Variants in PCDHGA3 observed in about 807,000 individuals in gnomAD.
PCDHGA3 encodes protocadherin gamma-A3.
PCDHGA3 carries 40 observed loss-of-function variants against 58.5 expected under a neutral mutation model. The ratio of observed to expected loss-of-function variants is 0.68; its 90% CI spans 0.53 to 0.89. The LOEUF (loss-of-function observed/expected upper bound fraction) is 0.89, where lower values mean the gene tolerates loss of function less well. PCDHGA3 is among the 40% of genes least tolerant of loss of function. PCDHGA3 has a pLI of 0.00. For missense variants in PCDHGA3, 1,223 were observed against 1,195.9 expected, an observed-to-expected ratio of 1.02 and a Z score of -0.33; for synonymous variants, 530 against 525.7, an observed-to-expected ratio of 1.01 and a Z score of -0.11.
chr5:141,501,331 A>T (rs1024837974), intron 2 of PCDHGA3, among the ~76,000 whole-genome samples: 2 of 138,846 alleles, frequency 1.4e-5, no homozygotes, highest in Non-Finnish European at 1.6e-5. Flanking sequence ...ACACACACAC[A>T]CACCCCAAAC....
chr5:141,485,745 T>C lies in PCDHGA3; in HGVS notation c.2425-9062T>C. 3 of 1,614,146 alleles carry C rather than the reference T, an allele frequency of 1.9e-6. No individual in the cohort carries two copies. Among genetic ancestry groups the C allele is most frequent in the Non-Finnish European group, 2.5e-6 (3 of 1,179,986 alleles). ...AAGAAGCGCAGCGACGGCAGCCTGGTCCCAGAGCTGCTCCTGGAGAAGCCT... is the reference window on the plus strand; with the variant it reads ...AAGAAGCGCAGCGACGGCAGCCTGGCCCCAGAGCTGCTCCTGGAGAAGCCT... On this transcript the variant is annotated intron_variant, in intron 1 of 3. Transcript: ENST00000253812. This position sits in a 1 kb window ranked among gnomAD's most constrained non-coding sequence, Gnocchi z 5.7.
chr5:141,384,493 G>A lies in PCDHGA3; in HGVS notation c.2424+38036G>A, dbSNP rs370485526. The A allele has an allele frequency of 6.2e-7, 1 of 1,614,056 alleles. No individual in the cohort carries two copies. The highest frequency in any genetic ancestry group is 1.3e-5 in the African/African-American group (1 of 74,948). ...GCAGTTGAGAGAACTACAACTAAGA[G>A]TGACTGCACATGACAGCGGGGACCC... On this transcript the variant is annotated intron_variant, in intron 1 of 3. Coordinates refer to ENST00000253812, the MANE Select transcript of PCDHGA3 (RefSeq NM_018916.4).
At chr5:141,376,223 C>T (rs1772425823) in intron 1 of PCDHGA3, 1 of 1,614,084 alleles carries the variant, frequency 6.2e-7, no homozygotes, top group Non-Finnish European at 8.5e-7. Context: ...GCTGCTGGCG[C>T]TCAGACTGCA....
chr5:141,485,172 C>T lies in PCDHGA3; in HGVS notation c.2425-9635C>T, dbSNP rs377648315. 3.9e-5 allele frequency: 62 copies of T among 1,610,044 alleles called. No individual in the cohort carries two copies. The highest frequency in any genetic ancestry group is 5.1e-5 in the Non-Finnish European group (60 of 1,176,944). On this transcript the variant is annotated intron_variant, in intron 1 of 3. Coordinates refer to ENST00000253812, the MANE Select transcript of PCDHGA3 (RefSeq NM_018916.4). The surrounding 1 kb of genome is among the most constrained non-coding windows in gnomAD (Gnocchi z 5.7). ...CAAGTAGAGAATTAGCGGGCGGCAGCAATGCTCCGCAAGGTGAGAAGCTGG... is the reference window on the plus strand; with the variant it reads ...CAAGTAGAGAATTAGCGGGCGGCAGTAATGCTCCGCAAGGTGAGAAGCTGG...
At chr5:141,384,798 G>A in intron 1 of PCDHGA3, 3 of 1,613,448 alleles carry the variant, frequency 1.9e-6, no homozygotes, top group Non-Finnish European at 2.5e-6. Flanking sequence ...GGGCCCTGCT[G>A]GACAGAGATG....
chr5:141,413,283 C>A lies in PCDHGA3; in HGVS notation c.2424+66826C>A, dbSNP rs377443382. On this transcript the variant is annotated intron_variant, in intron 1 of 3. Coordinates refer to ENST00000253812, the MANE Select transcript of PCDHGA3 (RefSeq NM_018916.4). ...GGGAGGCTGGAGCCCGGCAGATCTC[C>A]TACTCAATTCCTGAGGAATTAGAGA... The A allele has an allele frequency of 3.6e-5, 58 of 1,613,848 alleles. No individual in the cohort carries two copies. The African/African-American group carries it at 7.6e-4, about 21-fold the overall frequency.
rs1431906047 is a variant in PCDHGA3, at chr5:141,485,858, C to T, written c.2425-8949C>T. On this transcript the variant is annotated intron_variant, in intron 1 of 3. Transcript: ENST00000253812. This position sits in a 1 kb window ranked among gnomAD's most constrained non-coding sequence, Gnocchi z 5.7. ...GCCGAGATCTGGCACCGCAGAGCTC[C>T]GGGTATCCGTGCTGGACGTAAACGA... The T allele has an allele frequency of 1.9e-6, 3 of 1,614,162 alleles. No individual in the cohort carries two copies. The highest frequency in any genetic ancestry group is 2.5e-6 in the Non-Finnish European group (3 of 1,180,028).
At chr5:141,495,446 C>A (rs1165861519) in intron 2 of PCDHGA3, among the ~76,000 whole-genome samples, 1 of 152,220 alleles carries the variant, frequency 6.6e-6, no homozygotes, top group African/African-American at 2.4e-5. Flanking sequence ...CCCTACTTGT[C>A]CTGCTCTCTG....
intron 3 of PCDHGA3, among the ~76,000 whole-genome samples, chr5:141,506,925 A>G (rs1287267937): frequency 1.3e-5 from 2 of 152,152 alleles, no homozygotes; most frequent in African/African-American, 4.8e-5. Context: ...ATACTAAACA[A>G]ACTTTAGGGG....
intron 1 of PCDHGA3, among the ~76,000 whole-genome samples, chr5:141,447,527 A>C (rs1278828003): frequency 6.6e-6 from 1 of 152,224 alleles, no homozygotes; most frequent in East Asian, 1.9e-4. Flanking sequence ...TCATAACAAA[A>C]TTGTTGGGTT....
At chr5:141,462,459 C>T (rs190781980) in intron 1 of PCDHGA3, among the ~76,000 whole-genome samples, 11 of 152,128 alleles carry the variant, frequency 7.2e-5, no homozygotes, top group Admixed American at 2.6e-4. Flanking sequence ...TAACTGAAAA[C>T]TGTGTATTCT....
At chr5:141,409,024 T>C (rs2095212064) in intron 1 of PCDHGA3, 2 of 1,613,988 alleles carry the variant, frequency 1.2e-6, no homozygotes, top group South Asian at 1.1e-5. Context: ...AGGGGGTCAA[T>C]GCTGAGATAA....
rs377701820 is a variant in PCDHGA3 at position 141,422,031 on chromosome 5, G to A, written c.2425-72776G>A. On this transcript the variant is annotated intron_variant, in intron 1 of 3. Coordinates refer to ENST00000253812, the MANE Select transcript of PCDHGA3 (RefSeq NM_018916.4). ...CTCGGGTGCTGATGGTTAATGCAAC[G>A]GATCCAGACGAGGGAATCAACGGGG... 127 of 1,610,494 alleles carry A rather than the reference G, an allele frequency of 7.9e-5. No individual in the cohort carries two copies. In the East Asian group the frequency reaches 2.4e-3, roughly 31 times the overall value.
chr5:141,387,471 T>C (rs1321289050), intron 1 of PCDHGA3, among the ~76,000 whole-genome samples: 3 of 152,232 alleles, frequency 2.0e-5, no homozygotes, highest in East Asian at 1.9e-4. Flanking sequence ...ATCCTCAAAG[T>C]TGGGATGAAG....
At chr5:141,361,502 C>T in intron 1 of PCDHGA3, 5 of 1,614,038 alleles carry the variant, frequency 3.1e-6, no homozygotes, top group Non-Finnish European at 4.2e-6. Context: ...CAACAGACTT[C>T]CTACATGGTT....
At chr5:141,502,781 C>G (rs1360359268) in intron 2 of PCDHGA3, among the ~76,000 whole-genome samples, 2 of 151,658 alleles carry the variant, frequency 1.3e-5, no homozygotes, top group Non-Finnish European at 2.9e-5. Flanking sequence ...TGAAAATTAC[C>G]TGGATGATTT....
intron 1 of PCDHGA3, among the ~76,000 whole-genome samples, chr5:141,386,669 A>T (rs774102519): frequency 4.6e-5 from 7 of 152,086 alleles, no homozygotes; most frequent in Admixed American, 1.3e-4. Flanking sequence ...CAGTGTTCAC[A>T]TTTCAGATGT....
chr5:141,430,108 G>A (rs572634913), intron 1 of PCDHGA3, among the ~76,000 whole-genome samples: 1 of 152,190 alleles, frequency 6.6e-6, no homozygotes, highest in South Asian at 2.1e-4. Context: ...AGCGTTACAT[G>A]TCAACAACCT....
At position 141,477,806 on chromosome 5, in the gene PCDHGA3, G is replaced by GC; in HGVS notation, c.2425-16995dup. Reference sequence around the variant, plus strand: ...ATTTGTCACTGATCGCAATGACAATGCCCCCCAGGTCCTATATCCTCGGCC... The same window carrying GC: ...ATTTGTCACTGATCGCAATGACAATGCCCCCCCAGGTCCTATATCCTCGGCC... On this transcript the variant is annotated intron_variant, in intron 1 of 3. Transcript: ENST00000253812. This position sits in a 1 kb window ranked among gnomAD's most constrained non-coding sequence, Gnocchi z 4.9. 1 of 1,614,114 alleles carries GC rather than the reference G, an allele frequency of 6.2e-7. No homozygotes were observed.
Sources: gnomAD v4.1 joint callset for allele counts (sites outside exome capture counted in the v4.1 genomes callset) on GRCh38, gnomAD v4.1.1 for gene constraint, Gnocchi (gnomAD v3.1) non-coding constraint, MANE v1.5 for transcripts, NCBI Gene and HGNC (gene_info 2026-07-23, HGNC 2026-07-21) for gene names.